CAPS2: variants seen among roughly 807,000 people sequenced by gnomAD.
The protein encoded by CAPS2 is calcyphosine 2.
Under a neutral mutation model 86.5 loss-of-function variants are expected in CAPS2, and 98 were observed. That is an observed-to-expected ratio of 1.13 (90% CI 0.96 to 1.34). The LOEUF (loss-of-function observed/expected upper bound fraction) is 1.34, where lower values mean the gene tolerates loss of function less well. Among genes scored for constraint, CAPS2 ranks in the 40% most tolerant of loss-of-function variants. The pLI is 0.00. For synonymous variants in CAPS2, 210 were observed against 225.1 expected, an observed-to-expected ratio of 0.93 and a Z score of 0.60; for missense variants, 729 against 686.8, an observed-to-expected ratio of 1.06 and a Z score of -0.69.
intron 13 of CAPS2, among the ~76,000 whole-genome samples, chr12:75,291,080 T>C (rs939022041): frequency 1.3e-5 from 2 of 152,038 alleles, no homozygotes; most frequent in Non-Finnish European, 2.9e-5. Context: ...TGTTTAAGTA[T>C]CCAAAACTGA....
chr12:75,329,935 G>A, upstream of CAPS2: 11 of 1,386,032 alleles, frequency 7.9e-6, no homozygotes, highest in Non-Finnish European at 1.0e-5. Context: ...CACCTAACAA[G>A]CTCGGTAAGA....
rs566416687 is a variant in CAPS2, at chr12:75,384,928, T to G, written c.-395+5910A>C. Among the ~76,000 whole-genome samples the G allele has an allele frequency of 1.6e-4, 25 of 152,340 alleles. 1 individual carries two copies. In the South Asian group the frequency reaches 5.2e-3, roughly 32 times the overall value. On this transcript the variant is annotated intron_variant, in intron 1 of 5. Transcript: ENST00000551829. ...GTGGGGCTTTAAAAAGATTATTGGG[T>G]TATGAGGGCTCTGCCCTCATGAATG... is the stretch of plus-strand genomic sequence containing the variant.
chr12:75,335,015 C>T, upstream of CAPS2: 2 of 1,041,012 alleles, frequency 1.9e-6, no homozygotes, highest in Non-Finnish European at 2.8e-6. Flanking sequence ...TACATATATG[C>T]AGTTAAAAAG....
intron 1 of CAPS2, among the ~76,000 whole-genome samples, chr12:75,358,918 C>A (rs2043353480): frequency 7.0e-6 from 1 of 143,186 alleles, no homozygotes; most frequent in African/African-American, 2.6e-5. Flanking sequence ...TATATTAGTA[C>A]AGACTGCATA....
chr12:75,369,153 A>C (rs1037153358), intron 1 of CAPS2, among the ~76,000 whole-genome samples: 1 of 151,992 alleles, frequency 6.6e-6, no homozygotes, highest in African/African-American at 2.4e-5. Context: ...GATTAAGCGT[A>C]TTAAATATGA....
intron 8 of CAPS2, 127 bp downstream of exon 8, chr12:75,304,630 T>A: frequency 1.5e-6 from 1 of 659,462 alleles, no homozygotes; most frequent in Non-Finnish European, 2.3e-6. Flanking sequence ...ACTCAAAAAA[T>A]TCCACTTTTC....
chr12:75,384,872 A>C (rs2045204611), intron 1 of CAPS2, among the ~76,000 whole-genome samples: 1 of 152,242 alleles, frequency 6.6e-6, no homozygotes, highest in Non-Finnish European at 1.5e-5. Flanking sequence ...TTCATGTTAA[A>C]ATTTAATTTC....
chr12:75,385,565 CCT>C lies in CAPS2; in HGVS notation c.-395+5271_-395+5272del, dbSNP rs2045248326. 2.0e-5 allele frequency among the ~76,000 whole-genome samples: 3 copies of C among 152,074 alleles called. No homozygotes were observed. The South Asian group carries it at 6.2e-4, about 32-fold the overall frequency. ...AGATCAGGAACAAGGCACAGATGCC[CCT>C]CTCATCACTGCTCTTCAACTTCATA... On this transcript the variant is annotated intron_variant, in intron 1 of 5. Coordinates refer to the CAPS2 transcript ENST00000551829.
Position 75,358,815 on chromosome 12 carries a change from T to C in CAPS2, c.-395+32023A>G, listed in dbSNP as rs566580574. ...CAATATATAATATATTATATATGTT[T>C]AAATATATATAATATATAACAATAT... is the stretch of plus-strand genomic sequence containing the variant. On this transcript the variant is annotated intron_variant, in intron 1 of 5. Transcript: ENST00000551829. Among the ~76,000 whole-genome samples, 568 of 144,414 alleles carry C rather than the reference T, an allele frequency of 3.9e-3. 2 individuals carry two copies. Among genetic ancestry groups the C allele is most frequent in the African/African-American group, 0.014 (545 of 39,780 alleles). The allele number at this position is 144,414 out of a possible 152,430, so 94.7% of individuals were successfully genotyped here.
At chr12:75,366,331 G>A (rs1201774852) in intron 1 of CAPS2, among the ~76,000 whole-genome samples, 1 of 152,126 alleles carries the variant, frequency 6.6e-6, no homozygotes. Context: ...TAAACAGTGG[G>A]TTTTGTCTCA....
chr12:75,296,916 TC>T (rs2036998730), intron 11 of CAPS2, among the ~76,000 whole-genome samples: 1 of 152,336 alleles, frequency 6.6e-6, no homozygotes, highest in African/African-American at 2.4e-5. Flanking sequence ...AGTAGGGATA[TC>T]TAATAAATTG....
exon 17 of CAPS2, chr12:75,277,669 C>T: frequency 1.0e-6 from 1 of 983,046 alleles, no homozygotes; most frequent in Non-Finnish European, 1.2e-6. Context: ...ATGTATCACA[C>T]TTCTCATGTT....
At chr12:75,347,375 A>G (rs2042524168) in intron 1 of CAPS2, among the ~76,000 whole-genome samples, 1 of 152,118 alleles carries the variant, frequency 6.6e-6, no homozygotes, top group Non-Finnish European at 1.5e-5. Flanking sequence ...TTGGTTATAT[A>G]TTATATTATC....
At chr12:75,384,225 G>A (rs555035885) in intron 1 of CAPS2, among the ~76,000 whole-genome samples, 1 of 152,066 alleles carries the variant, frequency 6.6e-6, no homozygotes, top group Non-Finnish European at 1.5e-5. Flanking sequence ...TCAAAAGCTG[G>A]TTTTTTAAGG....
upstream of CAPS2, chr12:75,329,960 A>G: frequency 8.9e-7 from 1 of 1,123,286 alleles, no homozygotes; most frequent in Non-Finnish European, 1.3e-6. Flanking sequence ...GTCCAGAGTT[A>G]GAAGAGTTGG....
exon 17 of CAPS2, chr12:75,277,840 C>G (rs2033190173): frequency 1.1e-6 from 1 of 905,408 alleles, no homozygotes; most frequent in African/African-American, 1.8e-5. Flanking sequence ...TCTCTTTTCT[C>G]TGTATTCCCA....
intron 7 of CAPS2, chr12:75,305,843 C>G: frequency 1.3e-6 from 1 of 753,000 alleles, no homozygotes; most frequent in East Asian, 2.6e-5. Flanking sequence ...CAGCCTCATC[C>G]TCGCCCAGGT....
exon 17 of CAPS2, chr12:75,278,635 T>C: frequency 8.7e-7 from 1 of 1,146,066 alleles, no homozygotes; most frequent in Non-Finnish European, 1.1e-6. Context: ...CAAAAAGATA[T>C]CTTTACAAAT....
At chr12:75,304,872 C>T (rs375536734) in exon 8 of CAPS2, 21 of 1,606,174 alleles carry the variant, frequency 1.3e-5, no homozygotes, top group Non-Finnish European at 1.8e-5. Context: ...TCACTGATGA[C>T]AGCCCTATAC....
Sources: allele counts gnomAD v4.1 joint callset (sites outside exome capture counted in the v4.1 genomes callset), GRCh38; gene constraint gnomAD v4.1.1; transcripts MANE v1.5; gene names NCBI Gene and HGNC (gene_info 2026-07-23, HGNC 2026-07-21).